The following CACFD1 variants were observed in gnomAD, a reference collection of about 807,000 sequenced individuals.
The protein encoded by CACFD1 is calcium channel flower domain containing 1, also known as calcium channel flower homolog.
A neutral mutation model predicts 21.3 loss-of-function variants in CACFD1; 26 were observed. That is an observed-to-expected ratio of 1.22 (90% CI 0.89 to 1.69). CACFD1 has a LOEUF of 1.69. Ranked by LOEUF, CACFD1 falls within the 40% of genes most tolerant of loss-of-function variation. The probability of loss-of-function intolerance (pLI) is 0.00; values close to 1 mark genes in which losing one functional copy is unlikely to be tolerated. For synonymous variants in CACFD1, 121 were observed against 106.6 expected (o/e 1.13, Z -0.83); for missense variants, 265 against 236.2 (o/e 1.12, Z -0.80).
Position 133,460,091 on chromosome 9 carries a change from G to C in CACFD1, c.25G>C (p.Gly9Arg). The C allele has an allele frequency of 6.4e-7, 1 of 1,562,570 alleles. No homozygotes were observed. MSSSGGAPGASASSAPPAQ... is the reference protein window; with the variant it reads MSSSGGAPRASASSAPPAQ... ...CATGAGCAGCTCAGGTGGGGCGCCC[G>C]GGGCGTCCGCCAGCTCTGCGCCGCC... Residue 9 changes from glycine (G) to arginine (R), a missense_variant, in exon 1 of 5, where the codon GGG (glycine) becomes CGG (arginine). Coordinates refer to ENST00000316948, the MANE Select transcript of CACFD1 (RefSeq NM_017586.5).
In CACFD1 at chr9:133,468,071, T is replaced by A. The variant is rs370865129; in HGVS notation, c.428+43T>A. On this transcript the variant is annotated intron_variant, in intron 4 of 4. Coordinates refer to ENST00000316948, the MANE Select transcript of CACFD1 (RefSeq NM_017586.5). ...AGCCCCTGGGCAGGGCCTTCCTCCC[T>A]CCGCCCCCCGAAGTCCTTCAGTGAG... The A allele has an allele frequency of 1.2e-3, 1,795 of 1,513,822 alleles. 5 individuals are homozygous for A. The highest frequency in any genetic ancestry group is 9.7e-4 in the Non-Finnish European group (1,057 of 1,093,996). The allele number at this position is 1,513,822 out of a possible 1,614,324, so 93.8% of individuals were successfully genotyped here.
chr9:133,460,466 G>GGGGGCGGCGGGGGCGGGGGCGGGGGT (rs1186634405), intron 1 of CACFD1, among the ~76,000 whole-genome samples: 11 of 138,244 alleles, frequency 8.0e-5, no homozygotes, highest in Non-Finnish European at 1.4e-4. Flanking sequence ...CCCAGGGCGG[G>GGGGGCGGCGGGGGCGGGGGCGGGGGT]GGGGCGGCGG....
At position 133,465,210 on chromosome 9, in the gene CACFD1, TGAGGGCAG is replaced by T. The variant is rs1193059256; in HGVS notation, c.195-106_195-99del. The T allele has an allele frequency of 2.4e-6, 3 of 1,263,232 alleles. No individual in the cohort carries two copies. Among genetic ancestry groups the T allele is most frequent in the Non-Finnish European group, 3.4e-6 (3 of 876,656 alleles). 78.3% of individuals were successfully genotyped at this position (1,263,232 alleles called of 1,614,324 possible). A position where few individuals can be genotyped will look rare whatever the true frequency, so the allele number is the denominator to read the frequency against. ...GGGCGGCTTCCCAGAGGAGGAGGGA[TGAGGGCAG>T]GAGGGTGAGGGAGGTGGCATTCCTT... On this transcript the variant is annotated intron_variant, in intron 2 of 4. Coordinates refer to ENST00000316948, the MANE Select transcript of CACFD1 (RefSeq NM_017586.5). This position sits in a 1 kb window ranked among gnomAD's most constrained non-coding sequence, Gnocchi z 5.0.
chr9:133,460,242 C>G (rs899273746), intron 1 of CACFD1, 55 bp downstream of exon 1: 65 of 1,416,794 alleles, frequency 4.6e-5, no homozygotes, highest in Admixed American at 1.9e-4. Flanking sequence ...GCTCCTCGCC[C>G]TGCCCTGCCC....
Position 133,470,184 on chromosome 9 carries a change from A to G in CACFD1, c.*1531A>G, listed in dbSNP as rs1250714580. 3 of 135,516 alleles carry G rather than the reference A, an allele frequency of 2.2e-5. No individual in the cohort carries two copies. The East Asian group carries it at 6.7e-4, about 30-fold the overall frequency. The allele number at this position is 135,516 out of a possible 1,614,324, so 8.4% of individuals were successfully genotyped here. ...CTTCCTCAGGCCAGTGCTGGGTTCA[A>G]AGGGCTGTGTGTGTGTGTGTGTGTG... On this transcript the variant is annotated 3_prime_UTR_variant, in exon 5 of 5. Transcript: ENST00000316948.
At chr9:133,468,360 C>G (rs1554800007) in intron 4 of CACFD1, 1 of 1,535,814 alleles carries the variant, frequency 6.5e-7, no homozygotes, top group African/African-American at 1.4e-5. Context: ...GAGGCTGGTT[C>G]CTTCGCAGCC....
At position 133,465,702 on chromosome 9, in the gene CACFD1, C is replaced by A. The variant is rs587665047; in HGVS notation, c.320+255C>A. The A allele has an allele frequency of 3.0e-5, 14 of 472,570 alleles. No homozygotes were observed. The Admixed American group carries it at 3.1e-4, about 11-fold the overall frequency. 29.3% of individuals were successfully genotyped at this position (472,570 alleles called of 1,614,324 possible). On this transcript the variant is annotated intron_variant, in intron 3 of 4. Transcript: ENST00000316948. The surrounding 1 kb of genome is among the most constrained non-coding windows in gnomAD (Gnocchi z 5.0). Reference sequence around the variant, plus strand: ...AGAGGTATATGAGCATGTGTGGCAGCATCCGTGCAGTGGAGAGAAAGTGGG... The same window carrying A: ...AGAGGTATATGAGCATGTGTGGCAGAATCCGTGCAGTGGAGAGAAAGTGGG...
Position 133,468,714 on chromosome 9 carries a change from C to A in CACFD1, c.*61C>A. The stretch of plus-strand genomic sequence containing the variant: ...TGGCTCTGTGTGGGTCCAAGTGAGG[C>A]CTGGACTGTCCACGCTGAGGCACAG... On this transcript the variant is annotated 3_prime_UTR_variant, in exon 5 of 5. Transcript: ENST00000316948. The A allele has an allele frequency of 6.6e-7, 1 of 1,506,424 alleles. No individual in the cohort carries two copies. 93.3% of individuals were successfully genotyped at this position (1,506,424 alleles called of 1,614,324 possible).
chr9:133,464,118 G>A (rs1433767660), intron 2 of CACFD1, among the ~76,000 whole-genome samples: 1 of 152,234 alleles, frequency 6.6e-6, no homozygotes, highest in Non-Finnish European at 1.5e-5. Flanking sequence ...CCATCCCATC[G>A]GAAGGGAAGG....
intron 4 of CACFD1, chr9:133,468,266 T>C: frequency 1.4e-6 from 2 of 1,468,398 alleles, no homozygotes; most frequent in Non-Finnish European, 9.0e-7. Context: ...AGCAAAAACA[T>C]GGCTGGTGGG....
rs903418412 is a variant in CACFD1, at chr9:133,469,882, T to G, written c.*1229T>G. ...CTTCTGGAGCGCAGGTACTGGGTCT[T>G]GCTAAGTGAACTGTTTCCCAGGAAC... On this transcript the variant is annotated 3_prime_UTR_variant, in exon 5 of 5. Transcript: ENST00000316948. 1 of 152,302 alleles carries G rather than the reference T, an allele frequency of 6.6e-6. No homozygotes were observed. Among genetic ancestry groups the G allele is most frequent in the African/African-American group, 2.4e-5 (1 of 41,470 alleles). The allele number at this position is 152,302 out of a possible 1,614,324, so 9.4% of individuals were successfully genotyped here. A position where few individuals can be genotyped will look rare whatever the true frequency, so the allele number is the denominator to read the frequency against.
At position 133,470,596 on chromosome 9, in the gene CACFD1, G is replaced by C. The variant is rs191685507; in HGVS notation, c.*1943G>C. ...CAGTCCTGGGGTCCCTGACCCTGTC[G>C]CCCAGGGGGCGTGCTGTCCAGCAGG... On this transcript the variant is annotated 3_prime_UTR_variant, in exon 5 of 5. Coordinates refer to ENST00000316948, the MANE Select transcript of CACFD1 (RefSeq NM_017586.5). 6.6e-6 allele frequency: 1 copy of C among 152,360 alleles called. No homozygotes were observed. Among genetic ancestry groups the C allele is most frequent in the Admixed American group, 6.5e-5 (1 of 15,288 alleles). 9.4% of individuals were successfully genotyped at this position (152,360 alleles called of 1,614,324 possible).
Position 133,470,807 on chromosome 9 carries a change from T to C in CACFD1, c.*2154T>C, listed in dbSNP as rs1588236320. The C allele has an allele frequency of 6.6e-6, 1 of 152,254 alleles. No homozygotes were observed. The highest frequency in any genetic ancestry group is 1.9e-4 in the East Asian group (1 of 5,196). 9.4% of individuals were successfully genotyped at this position (152,254 alleles called of 1,614,324 possible). On this transcript the variant is annotated 3_prime_UTR_variant, in exon 5 of 5. Transcript: ENST00000316948. ...TTCTGCCTTGGTGCCTGTGTGTGAG[T>C]GTGGAAGCCAGGCAGGAGCCGCTGG...
chr9:133,464,746 T>C (rs1256176371), intron 2 of CACFD1, among the ~76,000 whole-genome samples: 2 of 152,112 alleles, frequency 1.3e-5, no homozygotes, highest in Non-Finnish European at 2.9e-5. Context: ...GCTAAAGTTC[T>C]TCCTCCCCAG....
At chr9:133,464,514 C>T (rs1384431231) in intron 2 of CACFD1, among the ~76,000 whole-genome samples, 6 of 152,020 alleles carry the variant, frequency 3.9e-5, no homozygotes, top group Admixed American at 3.9e-4. Context: ...GAGTGCCTGC[C>T]CCGGGCTTGG....
Position 133,465,544 on chromosome 9 carries a change from A to C in CACFD1, c.320+97A>C, listed in dbSNP as rs1843403024. 1.7e-5 allele frequency: 21 copies of C among 1,241,838 alleles called. No homozygotes were observed. In the East Asian group the frequency reaches 4.9e-4, roughly 29 times the overall value. 76.9% of individuals were successfully genotyped at this position (1,241,838 alleles called of 1,614,324 possible). A position where few individuals can be genotyped will look rare whatever the true frequency, so the allele number is the denominator to read the frequency against. On this transcript the variant is annotated intron_variant, in intron 3 of 4. Transcript: ENST00000316948. The surrounding 1 kb of genome is among the most constrained non-coding windows in gnomAD (Gnocchi z 5.0). The stretch of plus-strand genomic sequence containing the variant: ...TCAGGTGAGGGTGGGCAGTGTATTC[A>C]GTTCCTCTCTGTGGAAGTGTAAACT...
intron 4 of CACFD1, chr9:133,468,285 C>T: frequency 6.7e-7 from 1 of 1,491,990 alleles, no homozygotes. Flanking sequence ...GGAGCCCCTT[C>T]CCCTCCCAGG....
intron 1 of CACFD1, 114 bp downstream of exon 1, chr9:133,460,301 G>A: frequency 1.7e-5 from 17 of 1,014,202 alleles, no homozygotes; most frequent in Non-Finnish European, 2.2e-5. Flanking sequence ...GGGGTCGGGG[G>A]TCTGCCGGGC....
At chr9:133,461,930 A>G (rs1843234241) in intron 1 of CACFD1, 1 of 985,224 alleles carries the variant, frequency 1.0e-6, no homozygotes, top group African/African-American at 1.7e-5. Flanking sequence ...GGGATCAGAG[A>G]GAGTACCTGG....
Sources: allele counts gnomAD v4.1 joint callset (sites outside exome capture counted in the v4.1 genomes callset), GRCh38; gene constraint gnomAD v4.1.1; non-coding constraint Gnocchi (gnomAD v3.1); transcripts MANE v1.5; gene names NCBI Gene and HGNC (gene_info 2026-07-23, HGNC 2026-07-21).